The following SH3D19 variants were observed in gnomAD, a reference collection of about 807,000 sequenced individuals.
SH3D19 encodes the protein SH3 domain-containing protein 19.
A neutral mutation model predicts 112.1 loss-of-function variants in SH3D19; 58 were observed. That is an observed-to-expected ratio of 0.52 (90% CI 0.42 to 0.64). The LOEUF is 0.64. SH3D19 is among the 30% of genes least tolerant of loss of function. SH3D19 has a pLI of 0.00. For synonymous variants in SH3D19, 391 were observed against 448.5 expected, an observed-to-expected ratio of 0.87 and a Z score of 1.62; for missense variants, 1,090 against 1,263.4, an observed-to-expected ratio of 0.86 and a Z score of 2.08.
intron 2 of SH3D19, among the ~76,000 whole-genome samples, chr4:151,198,131 T>C (rs1460732559): frequency 6.6e-6 from 1 of 150,762 alleles, no homozygotes; most frequent in African/African-American, 2.4e-5. Flanking sequence ...TGGTGAAACC[T>C]CATCTCTACA....
At chr4:151,152,667 C>T (rs1445288652) in intron 9 of SH3D19, among the ~76,000 whole-genome samples, 6 of 148,462 alleles carry the variant, frequency 4.0e-5, no homozygotes, top group East Asian at 4.1e-4. Flanking sequence ...TACAGGCATG[C>T]GCCACCATGC....
chr4:151,122,511 T>TCA (rs3064664), intron 19 of SH3D19, among the ~76,000 whole-genome samples: 12,452 of 148,432 alleles, frequency 0.084, 1,222 homozygotes, highest in African/African-American at 0.24. Flanking sequence ...ATACCAGTTA[T>TCA]CACACACACA....
chr4:151,281,986 G>C (rs1774280105), intron 1 of SH3D19, among the ~76,000 whole-genome samples: 1 of 152,044 alleles, frequency 6.6e-6, no homozygotes, highest in Non-Finnish European at 1.5e-5. Flanking sequence ...GAGAAAGAGA[G>C]GAAAGAAGGA....
intron 1 of SH3D19, among the ~76,000 whole-genome samples, chr4:151,309,254 T>G (rs1729211771): frequency 6.6e-6 from 1 of 152,214 alleles, no homozygotes; most frequent in Non-Finnish European, 1.5e-5. Flanking sequence ...TCTTGCAAGC[T>G]GAAAGAACAT....
At chr4:151,286,982 A>AAATAATAATCAT in intron 1 of SH3D19, among the ~76,000 whole-genome samples, 1 of 141,838 alleles carries the variant, frequency 7.1e-6, no homozygotes, top group African/African-American at 2.6e-5. Flanking sequence ...TCTGTCTCAA[A>AAATAATAATCAT]AATAATAATA....
intron 1 of SH3D19, among the ~76,000 whole-genome samples, chr4:151,231,003 G>A (rs572011624): frequency 5.3e-5 from 8 of 152,108 alleles, no homozygotes; most frequent in East Asian, 1.9e-4. Flanking sequence ...GAGTATATAC[G>A]GTATATATTA....
At chr4:151,293,156 G>A (rs2150021008) in intron 1 of SH3D19, among the ~76,000 whole-genome samples, 1 of 150,704 alleles carries the variant, frequency 6.6e-6, no homozygotes, top group South Asian at 2.1e-4. Context: ...TACATTTAAT[G>A]GAAATACATT....
chr4:151,236,234 G>T (rs1378089046), intron 1 of SH3D19, among the ~76,000 whole-genome samples: 1 of 152,282 alleles, frequency 6.6e-6, no homozygotes, highest in Non-Finnish European at 1.5e-5. Flanking sequence ...TCAGCTCGTG[G>T]AGAGGTGCAA....
At chr4:151,248,442 T>G (rs1260524486) in intron 1 of SH3D19, among the ~76,000 whole-genome samples, 2 of 152,212 alleles carry the variant, frequency 1.3e-5, no homozygotes, top group African/African-American at 4.8e-5. Context: ...ATTTCTCTAA[T>G]TAGGAAGCAT....
intron 2 of SH3D19, among the ~76,000 whole-genome samples, chr4:151,206,850 C>T (rs1273311893): frequency 6.6e-6 from 1 of 152,166 alleles, no homozygotes; most frequent in Non-Finnish European, 1.5e-5. Context: ...TCCTCACTTT[C>T]TCTTTGGGAC....
chr4:151,243,815 G>A (rs1319206228), intron 1 of SH3D19, among the ~76,000 whole-genome samples: 1 of 152,200 alleles, frequency 6.6e-6, no homozygotes, highest in African/African-American at 2.4e-5. Flanking sequence ...TTGGATATAA[G>A]CTCAGAGAAG....
At chr4:151,250,395 GT>G (rs1296404787) in intron 1 of SH3D19, among the ~76,000 whole-genome samples, 12 of 151,938 alleles carry the variant, frequency 7.9e-5, no homozygotes, top group Admixed American at 5.9e-4. Context: ...ATATTCTCAT[GT>G]TTTCCTGTGA....
chr4:151,313,488 C>T (rs552502158), intron 1 of SH3D19, among the ~76,000 whole-genome samples: 1 of 152,114 alleles, frequency 6.6e-6, no homozygotes, highest in South Asian at 2.1e-4. Flanking sequence ...GCAATCATGA[C>T]TCACTGCAGC....
intron 9 of SH3D19, among the ~76,000 whole-genome samples, chr4:151,158,064 T>G (rs1392493078): frequency 6.6e-6 from 1 of 152,122 alleles, no homozygotes; most frequent in Admixed American, 6.6e-5. Flanking sequence ...ATATATAGCT[T>G]CAAATAGCTG....
chr4:151,190,044 T>G (rs60953992), intron 2 of SH3D19, among the ~76,000 whole-genome samples: 9,310 of 152,244 alleles, frequency 0.061, 452 homozygotes, highest in East Asian at 0.19. Context: ...GAGGAACTTG[T>G]TGGGAACTTG....
chr4:151,265,604 T>C (rs1772729225), intron 1 of SH3D19, among the ~76,000 whole-genome samples: 1 of 140,354 alleles, frequency 7.1e-6, no homozygotes, highest in South Asian at 2.2e-4. Context: ...AAAGACAGAG[T>C]CTTGCTGTGT....
At chr4:151,129,017 G>A (rs1579634823) in intron 17 of SH3D19, among the ~76,000 whole-genome samples, 3 of 152,246 alleles carry the variant, frequency 2.0e-5, no homozygotes, top group African/African-American at 7.2e-5. Context: ...TTTATGCATA[G>A]TATTTGACAC....
At position 151,143,954 on chromosome 4, in the gene SH3D19, T is replaced by G. The variant is rs1379133041; in HGVS notation, c.2179A>C (p.Lys727Gln). 1 of 1,613,904 alleles carries G rather than the reference T, an allele frequency of 6.2e-7. No individual in the cohort carries two copies. The highest frequency in any genetic ancestry group is 8.5e-7 in the Non-Finnish European group (1 of 1,179,972). The change falls in exon 12 of 20, where the codon AAG becomes CAG. Residue 727 changes from lysine to glutamine, a missense_variant. Lys to Gln is a moderately conservative substitution (Grantham distance 53). Transcript: ENST00000604030. ...TGTTCATCAAGTGGAGTGATAATCT[T>G]CATTTGAGACAGGTGAACTCTGCCA... ...DTGRVHLSQM[K>Q]IITPLDEHLR...
intron 16 of SH3D19, among the ~76,000 whole-genome samples, chr4:151,132,735 A>C (rs1259532902): frequency 1.3e-5 from 2 of 152,226 alleles, no homozygotes; most frequent in Admixed American, 6.5e-5. Flanking sequence ...TCCTGGTCTC[A>C]GGCAATCCGC....
Sources: gnomAD v4.1 joint callset for allele counts (sites outside exome capture counted in the v4.1 genomes callset) on GRCh38, gnomAD v4.1.1 for gene constraint, MANE v1.5 for transcripts, NCBI Gene and HGNC (gene_info 2026-07-23, HGNC 2026-07-21) for gene names.